The following EXOC6 variants were observed in gnomAD, a reference collection of about 807,000 sequenced individuals.
EXOC6 encodes exocyst complex component 6.
Under a neutral mutation model 112.5 loss-of-function variants are expected in EXOC6, and 60 were observed. The ratio of observed to expected loss-of-function variants is 0.53; its 90% CI spans 0.43 to 0.66. EXOC6 has a LOEUF of 0.66. EXOC6 is among the 30% of genes least tolerant of loss of function. The pLI is 0.00. For synonymous variants in EXOC6, 295 were observed against 308.0 expected (o/e 0.96, Z 0.44); for missense variants, 855 against 957.1 (o/e 0.89, Z 1.41).
chr10:93,020,631 T>C (rs372714811), intron 20 of EXOC6, among the ~76,000 whole-genome samples: 1 of 152,146 alleles, frequency 6.6e-6, no homozygotes, highest in Non-Finnish European at 1.5e-5. Flanking sequence ...TTAATTGGAC[T>C]GGCCTATTCC....
chr10:92,973,425 C>T (rs1411112757), intron 17 of EXOC6, among the ~76,000 whole-genome samples: 6 of 152,176 alleles, frequency 3.9e-5, no homozygotes, highest in Non-Finnish European at 1.5e-5. Flanking sequence ...TGTATTTCTG[C>T]AAGTTTTGAA....
At chr10:92,976,849 A>G (rs1160384189) in intron 18 of EXOC6, among the ~76,000 whole-genome samples, 1 of 152,136 alleles carries the variant, frequency 6.6e-6, no homozygotes, top group Non-Finnish European at 1.5e-5. Context: ...TTAAAAAAAA[A>G]GATACAGCAA....
intron 6 of EXOC6, among the ~76,000 whole-genome samples, chr10:92,910,995 A>T (rs957012494): frequency 2.5e-4 from 12 of 48,870 alleles, no homozygotes; most frequent in African/African-American, 9.5e-4. Flanking sequence ...ACAAGAATGT[A>T]AAAATATTAG....
At chr10:93,007,255 C>A (rs1051116157) in intron 19 of EXOC6, among the ~76,000 whole-genome samples, 1 of 149,846 alleles carries the variant, frequency 6.7e-6, no homozygotes, top group Non-Finnish European at 1.5e-5. Context: ...TTGCATAGAT[C>A]CTGAGGGGAA....
At chr10:93,046,633 T>A (rs1846011910) in intron 20 of EXOC6, among the ~76,000 whole-genome samples, 2 of 152,040 alleles carry the variant, frequency 1.3e-5, no homozygotes, top group South Asian at 4.2e-4. Flanking sequence ...GTTTTGTTCT[T>A]GTCACCCAGG....
At chr10:92,949,006 G>A (rs1197458850) in intron 14 of EXOC6, among the ~76,000 whole-genome samples, 2 of 152,178 alleles carry the variant, frequency 1.3e-5, no homozygotes, top group East Asian at 3.8e-4. Context: ...GAATCCATGT[G>A]TATGTGCATA....
intron 20 of EXOC6, among the ~76,000 whole-genome samples, chr10:93,056,219 T>A (rs1846531285): frequency 6.6e-6 from 1 of 152,200 alleles, no homozygotes; most frequent in Non-Finnish European, 1.5e-5. Context: ...TACTTCCATA[T>A]TTGACAATGA....
intron 6 of EXOC6, 59 bp from the exon 7 acceptor site, chr10:92,915,699 A>G (rs7915991): frequency 7.6e-7 from 1 of 1,307,852 alleles, no homozygotes. Context: ...AAATTTTTTG[A>G]ACCAATTTTG....
intron 1 of EXOC6, among the ~76,000 whole-genome samples, chr10:92,890,859 T>C (rs569583949): frequency 6.6e-6 from 1 of 152,320 alleles, no homozygotes; most frequent in Admixed American, 6.5e-5. Flanking sequence ...TGGGCTGTTG[T>C]AAGATAAACT....
At chr10:92,973,938 G>T (rs1352605143) in intron 17 of EXOC6, 115 bp from the exon 18 acceptor site, 4 of 881,244 alleles carry the variant, frequency 4.5e-6, no homozygotes, top group Non-Finnish European at 6.6e-6. Flanking sequence ...CCTGGACTTT[G>T]AATAAATGGC....
At chr10:92,955,184 A>C (rs894030045) in intron 16 of EXOC6, among the ~76,000 whole-genome samples, 1 of 152,154 alleles carries the variant, frequency 6.6e-6, no homozygotes, top group Admixed American at 6.6e-5. Flanking sequence ...TGGAAGAAAA[A>C]ATAAAAAAAT....
intron 15 of EXOC6, among the ~76,000 whole-genome samples, chr10:92,953,476 G>T (rs1589901451): frequency 1.3e-5 from 2 of 152,138 alleles, no homozygotes; most frequent in Non-Finnish European, 2.9e-5. Context: ...GATAATTTTG[G>T]TTCTCCTGCC....
chr10:92,852,105 C>G (rs1241532492), intron 1 of EXOC6, among the ~76,000 whole-genome samples: 1 of 152,122 alleles, frequency 6.6e-6, no homozygotes, highest in Non-Finnish European at 1.5e-5. Context: ...ACTTCATGCT[C>G]ATACATTTGG....
intron 17 of EXOC6, among the ~76,000 whole-genome samples, chr10:92,968,856 G>A (rs574227029): frequency 6.6e-5 from 10 of 152,168 alleles, no homozygotes; most frequent in African/African-American, 2.2e-4. Context: ...GAAATAGTGG[G>A]AATCAGACAC....
chr10:92,905,567 T>C (rs753716580), intron 5 of EXOC6, among the ~76,000 whole-genome samples: 30 of 152,048 alleles, frequency 2.0e-4, no homozygotes, highest in South Asian at 4.1e-4. Context: ...CTTAATACCT[T>C]TTTTTCTTGT....
At chr10:93,053,493 G>A (rs1288804615) in intron 20 of EXOC6, among the ~76,000 whole-genome samples, 2 of 152,150 alleles carry the variant, frequency 1.3e-5, no homozygotes, top group African/African-American at 4.8e-5. Flanking sequence ...CTTACTTAAC[G>A]TTAGACCCAA....
intron 18 of EXOC6, among the ~76,000 whole-genome samples, chr10:92,988,863 A>G (rs994754493): frequency 6.6e-6 from 1 of 151,632 alleles, no homozygotes; most frequent in African/African-American, 2.4e-5. Context: ...ATTACTAAAC[A>G]TGTGCATCCA....
At chr10:92,861,961 ATAT>A (rs1454279414) in intron 1 of EXOC6, among the ~76,000 whole-genome samples, 1 of 152,122 alleles carries the variant, frequency 6.6e-6, no homozygotes, top group Non-Finnish European at 1.5e-5. Flanking sequence ...TCCCCCTCAA[ATAT>A]TATTCTTGTT....
At chr10:93,050,759 C>CAAAAAAATAAAA (rs1846244147) in intron 20 of EXOC6, among the ~76,000 whole-genome samples, 1 of 37,306 alleles carries the variant, frequency 2.7e-5, no homozygotes, top group Non-Finnish European at 4.4e-5. Flanking sequence ...GACTCCGTCT[C>CAAAAAAATAAAA]AAAAAAAAAA....
Sources: gnomAD v4.1 joint callset for allele counts (sites outside exome capture counted in the v4.1 genomes callset) on GRCh38, gnomAD v4.1.1 for gene constraint, MANE v1.5 for transcripts, NCBI Gene and HGNC (gene_info 2026-07-23, HGNC 2026-07-21) for gene names.